The following MUS81 variants were observed in gnomAD, a reference collection of about 807,000 sequenced individuals.
MUS81 encodes MUS81 structure-specific endonuclease subunit, also known as structure-specific endonuclease subunit MUS81.
Under a neutral mutation model 74.2 loss-of-function variants are expected in MUS81, and 69 were observed. That is an observed-to-expected ratio of 0.93 (90% CI 0.77 to 1.14). The LOEUF (loss-of-function observed/expected upper bound fraction) is 1.14, where lower values mean the gene tolerates loss of function less well. Ranked by LOEUF, MUS81 falls within the 50% of genes most tolerant of loss-of-function variation. The pLI is 0.00. For missense variants in MUS81, 711 were observed against 726.5 expected, an observed-to-expected ratio of 0.98 and a Z score of 0.25; for synonymous variants, 303 against 300.6, an observed-to-expected ratio of 1.01 and a Z score of -0.08.
In MUS81 at chr11:65,862,289, G is replaced by T; in HGVS notation, c.519+10G>T. 2 of 1,613,648 alleles carry T rather than the reference G, an allele frequency of 1.2e-6. No homozygotes were observed. The highest frequency in any genetic ancestry group is 1.7e-6 in the Non-Finnish European group (2 of 1,179,912). On this transcript the variant is annotated intron_variant, in intron 5 of 15. Transcript: ENST00000308110. ...TCAGAAGTCCCCCAGGGTGAGCACA[G>T]GGATCAGGGAGGACAGGCCCAAGTG...
Position 65,861,359 on chromosome 11 carries a change from C to A in MUS81, c.275C>A (p.Ala92Asp). ...CTTTTCTCTCCCGCAGGTGACCATG[C>A]CCCGGACTCACCATCTGGAGAGAAC... ...QRHRTSGGDH[A>D]PDSPSGENSP... Residue 92 changes from alanine to aspartate, a missense_variant, in exon 3 of 16, where the codon GCC (alanine) becomes GAC (aspartate). Physicochemically the swap from Ala to Asp is moderately radical, Grantham distance 126. Coordinates refer to ENST00000308110, the MANE Select transcript of MUS81 (RefSeq NM_025128.5). The A allele has an allele frequency of 1.9e-6, 3 of 1,597,190 alleles. No homozygotes were observed. The highest frequency in any genetic ancestry group is 1.7e-4 in the Middle Eastern group (1 of 6,040).
At chr11:65,862,567 G>T in intron 6 of MUS81, 38 bp downstream of exon 6, 1 of 1,583,418 alleles carries the variant, frequency 6.3e-7, no homozygotes. Context: ...GAGCATGAGT[G>T]AACTTCTTAG....
downstream of MUS81, chr11:65,867,219 G>T: frequency 1.1e-6 from 1 of 940,274 alleles, no homozygotes; most frequent in Non-Finnish European, 1.6e-6. Flanking sequence ...CTCTCATGCA[G>T]CTCTTTGACA....
At position 65,861,048 on chromosome 11, in the gene MUS81, G is replaced by C. The variant is rs746039902; in HGVS notation, c.211G>C (p.Asp71His). ...AGCTAAGATCCTACAGCACTTCGGA[G>C]ACGGGCTCTGCCGGATGCTGGACGA... The part of the protein sequence containing the change: ...KEAKILQHFG[D>H]GLCRMLDERL... The change falls in exon 2 of 16, where the codon GAC (aspartate) becomes CAC (histidine). Residue 71 changes from aspartate (D) to histidine (H), a missense_variant. Physicochemically the swap from Asp to His is moderately conservative, Grantham distance 81. Transcript: ENST00000308110. 4 of 1,612,622 alleles carry C rather than the reference G, an allele frequency of 2.5e-6. No individual in the cohort carries two copies. In the African/African-American group the frequency reaches 5.3e-5, roughly 22 times the overall value.
chr11:65,863,323 G>A (rs2134731744), intron 7 of MUS81, 87 bp from the exon 8 acceptor site: 1 of 1,588,488 alleles, frequency 6.3e-7, no homozygotes, highest in Non-Finnish European at 8.6e-7. Flanking sequence ...TACTGTGGGT[G>A]GGTGGTGGGT....
At chr11:65,865,402 AG>A in intron 14 of MUS81, 79 bp downstream of exon 14, 1 of 1,416,252 alleles carries the variant, frequency 7.1e-7, no homozygotes, top group Non-Finnish European at 9.6e-7. Context: ...TGCTTCGTGG[AG>A]GGGGCCTGGC....
chr11:65,865,049 C>G lies in MUS81; in HGVS notation c.1305C>G (p.Thr435=), dbSNP rs774188875. Residue 435 remains threonine, a synonymous_variant, in exon 13 of 16, where the codon ACC becomes ACG. Transcript: ENST00000308110. ...GHTLRSRPWG[T]PGNPESGAMT... is the part of the protein sequence containing the mutation. ...CCCTACGCAGCCGCCCCTGGGGAAC[C>G]CCTGGGAACCCTGAATCAGGGGCCA... 2 of 1,613,876 alleles carry G rather than the reference C, an allele frequency of 1.2e-6. No homozygotes were observed. Among genetic ancestry groups the G allele is most frequent in the Non-Finnish European group, 1.7e-6 (2 of 1,180,014 alleles).
Position 65,860,612 on chromosome 11 carries a change from G to A in MUS81, c.-142G>A. On this transcript the variant is annotated 5_prime_UTR_variant, in exon 1 of 16. Coordinates refer to ENST00000308110, the MANE Select transcript of MUS81 (RefSeq NM_025128.5). Reference sequence around the variant, plus strand: ...TCTCGTTAGTGCCCCCTGTGTTTGGGGCCCCGTGATCTCAACGGTCCTGCC... The same window carrying A: ...TCTCGTTAGTGCCCCCTGTGTTTGGAGCCCCGTGATCTCAACGGTCCTGCC... The A allele has an allele frequency of 8.3e-7, 1 of 1,210,946 alleles. No homozygotes were observed. The highest frequency in any genetic ancestry group is 1.3e-5 in the South Asian group (1 of 74,774). The allele number at this position is 1,210,946 out of a possible 1,614,324, so 75.0% of individuals were successfully genotyped here.
downstream of MUS81, chr11:65,866,644 C>G (rs1234450438): frequency 1.4e-6 from 1 of 703,444 alleles, no homozygotes; most frequent in Non-Finnish European, 2.6e-6. Context: ...TCGTTACCTC[C>G]TCTCCTCTCG....
rs771272077 is a variant in MUS81 at position 65,862,200 on chromosome 11, C to T, written c.451-11C>T. On this transcript the variant is annotated splice_polypyrimidine_tract_variant and intron_variant, in intron 4 of 15. Coordinates refer to ENST00000308110, the MANE Select transcript of MUS81 (RefSeq NM_025128.5). The stretch of plus-strand genomic sequence containing the variant: ...ACTGAGCCTACCCTGTCTTTTCTAC[C>T]TTGGTTTCAGAATCCTAATGGTCAC... The T allele has an allele frequency of 5.6e-5, 91 of 1,613,208 alleles. No homozygotes were observed. Among genetic ancestry groups the T allele is most frequent in the Non-Finnish European group, 7.1e-5 (84 of 1,179,914 alleles).
chr11:65,867,192 C>T (rs1859866872), downstream of MUS81: 1 of 1,309,008 alleles, frequency 7.6e-7, no homozygotes, highest in Non-Finnish European at 1.1e-6. Context: ...CAGCCCTGGC[C>T]AGGCTGCCAC....
At chr11:65,866,440 C>G (rs974045886), downstream of MUS81, 1 of 688,742 alleles carries the variant, frequency 1.5e-6, no homozygotes, top group Non-Finnish European at 2.6e-6. Context: ...TTGAAAACCA[C>G]TAACAGTCCA....
upstream of MUS81, chr11:65,860,398 C>T (rs1859539653): frequency 1.4e-5 from 7 of 495,652 alleles, no homozygotes; most frequent in Non-Finnish European, 2.8e-5. Context: ...GCCTTCCTCT[C>T]GCCTACACAA....
At chr11:65,861,283 T>C (rs1484467484) in intron 2 of MUS81, 67 bp from the exon 3 acceptor site, 19 of 1,537,592 alleles carry the variant, frequency 1.2e-5, no homozygotes, top group Non-Finnish European at 1.2e-5. Flanking sequence ...TCTGAGTAGG[T>C]TGCATCCCAG....
In MUS81 at chr11:65,862,267, G is replaced by C. The variant is rs1859636917; in HGVS notation, c.507G>C (p.Gln169His). 1 of 1,613,792 alleles carries C rather than the reference G, an allele frequency of 6.2e-7. No homozygotes were observed. The highest frequency in any genetic ancestry group is 8.5e-7 in the Non-Finnish European group (1 of 1,180,012). The change falls in exon 5 of 16, where the codon CAG becomes CAC. Residue 169 changes from glutamine to histidine, a missense_variant. Gln to His is a conservative substitution (Grantham distance 24, BLOSUM62 0). Coordinates refer to ENST00000308110, the MANE Select transcript of MUS81 (RefSeq NM_025128.5). ...TKEELLQRCA[Q>H]KSPRVAPGSA... The stretch of plus-strand genomic sequence containing the variant: ...AGGAGCTGCTGCAGAGGTGTGCTCA[G>C]AAGTCCCCCAGGGTGAGCACAGGGA...
In MUS81 at chr11:65,863,099, C is replaced by G; in HGVS notation, c.640C>G (p.Gln214Glu). The change falls in exon 7 of 16, where the codon CAG becomes GAG. Residue 214 changes from glutamine to glutamate, a missense_variant. By Grantham distance (29) the Gln-to-Glu change is conservative. Transcript: ENST00000308110. ...GACCCCAGAGGGCCTGGAGCTGGCCCAGAAGTTGGCCGAGTCAGAAGGCCT... is the reference window on the plus strand; with the variant it reads ...GACCCCAGAGGGCCTGGAGCTGGCCGAGAAGTTGGCCGAGTCAGAAGGCCT... ...SLTPEGLELA[Q>E]KLAESEGLSL... 1 of 1,614,120 alleles carries G rather than the reference C, an allele frequency of 6.2e-7. No individual in the cohort carries two copies. Among genetic ancestry groups the G allele is most frequent in the Non-Finnish European group, 8.5e-7 (1 of 1,180,004 alleles).
chr11:65,864,097 ATTC>A, intron 10 of MUS81, 196 bp downstream of exon 10: 1 of 621,310 alleles, frequency 1.6e-6, no homozygotes, highest in Non-Finnish European at 2.8e-6. Flanking sequence ...AGGTACCTGC[ATTC>A]TTGGGCTGAG....
rs761190763 is a variant in MUS81 at position 65,862,222 on chromosome 11, TCAC to T, written c.466_468del (p.His156del). The stretch of plus-strand genomic sequence containing the variant: ...TACCTTGGTTTCAGAATCCTAATGG[TCAC>T]CACTTCTTAACCAAGGAGGAGCTGC... On this transcript the variant is annotated inframe_deletion, in exon 5 of 16. Coordinates refer to ENST00000308110, the MANE Select transcript of MUS81 (RefSeq NM_025128.5). The T allele has an allele frequency of 1.8e-3, 2,881 of 1,613,526 alleles. 1 individual carries two copies. Among genetic ancestry groups the T allele is most frequent in the Non-Finnish European group, 2.1e-3 (2,531 of 1,180,000 alleles).
At chr11:65,860,150 C>A, upstream of MUS81, 1 of 428,404 alleles carries the variant, frequency 2.3e-6, no homozygotes, top group Admixed American at 2.4e-5. Context: ...CCTGCCTTAC[C>A]TTTGTGTCCT....
Sources: allele counts gnomAD v4.1 joint callset, GRCh38; gene constraint gnomAD v4.1.1; transcripts MANE v1.5; gene names NCBI Gene and HGNC (gene_info 2026-07-23, HGNC 2026-07-21).